Variants in SORL1 observed in about 807,000 individuals in gnomAD.
SORL1 encodes sortilin related receptor 1.
Under a neutral mutation model 273.7 loss-of-function variants are expected in SORL1, and 127 were observed. That is an observed-to-expected ratio of 0.46 (90% CI 0.40 to 0.54). The LOEUF is 0.54. Ranked by LOEUF, SORL1 falls within the 20% of genes least tolerant of loss-of-function variation. The pLI is 0.00. For missense variants in SORL1, 2,494 were observed against 2,846.1 expected, an observed-to-expected ratio of 0.88 and a Z score of 2.81; for synonymous variants, 1,031 against 1,067.4, an observed-to-expected ratio of 0.97 and a Z score of 0.66.
At position 121,488,370 on chromosome 11, in the gene SORL1, G is replaced by C. The variant is rs137937073; in HGVS notation, c.690+177G>C. Among the ~76,000 whole-genome samples the C allele has an allele frequency of 3.3e-4, 50 of 152,152 alleles. No homozygotes were observed. The East Asian group carries it at 9.5e-3, about 29-fold the overall frequency. ...GGCTCAAGAAAAATATCTCCTCCTGGCACTCTCAGTTGGCAGCCCAGCCAG... is the reference window on the plus strand; with the variant it reads ...GGCTCAAGAAAAATATCTCCTCCTGCCACTCTCAGTTGGCAGCCCAGCCAG... On this transcript the variant is annotated intron_variant, in intron 4 of 47. Transcript: ENST00000260197.
At chr11:121,606,234 T>C (rs898269121) in intron 35 of SORL1, among the ~76,000 whole-genome samples, 1 of 152,164 alleles carries the variant, frequency 6.6e-6, no homozygotes, top group Non-Finnish European at 1.5e-5. Flanking sequence ...TGTGGCTAAG[T>C]TTTTAAGAAA....
intron 12 of SORL1, among the ~76,000 whole-genome samples, chr11:121,536,866 C>T (rs1565328066): frequency 6.6e-6 from 1 of 151,998 alleles, no homozygotes; most frequent in Non-Finnish European, 1.5e-5. Context: ...TCCTGATGAA[C>T]GGCAATCCAG....
rs1424806127 is a variant in SORL1, at chr11:121,627,523, T to A, written c.6365-32T>A. On this transcript the variant is annotated intron_variant, in intron 46 of 47. Coordinates refer to ENST00000260197, the MANE Select transcript of SORL1 (RefSeq NM_003105.6). The surrounding 1 kb of genome is among the most constrained non-coding windows in gnomAD (Gnocchi z 4.9). The stretch of plus-strand genomic sequence containing the variant: ...TCTGGTCTGTTCTCCTGCCCTCAGG[T>A]GGGCTTATTGGTGGGAACTTTGCCT... 1 of 1,590,410 alleles carries A rather than the reference T, an allele frequency of 6.3e-7. No homozygotes were observed. Among genetic ancestry groups the A allele is most frequent in the Non-Finnish European group, 8.6e-7 (1 of 1,158,778 alleles).
intron 5 of SORL1, among the ~76,000 whole-genome samples, chr11:121,492,143 C>G (rs1839408183): frequency 6.6e-6 from 1 of 152,090 alleles, no homozygotes; most frequent in South Asian, 2.1e-4. Flanking sequence ...GGTGGACCAT[C>G]TGAGGTCAGG....
intron 39 of SORL1, chr11:121,612,138 T>G (rs1440063424): frequency 6.6e-6 from 1 of 152,134 alleles, no homozygotes; most frequent in African/African-American, 2.4e-5. Flanking sequence ...AGACTCTGTC[T>G]CAAAAAAAAG....
intron 43 of SORL1, 137 bp downstream of exon 43, chr11:121,620,054 T>G: frequency 1.4e-6 from 1 of 699,888 alleles, no homozygotes; most frequent in East Asian, 2.5e-5. Flanking sequence ...TCTCTCCCAT[T>G]TCAGTCTGAC....
intron 4 of SORL1, among the ~76,000 whole-genome samples, chr11:121,489,678 T>C (rs1322490799): frequency 6.6e-6 from 1 of 152,280 alleles, no homozygotes. Flanking sequence ...TGCTGCTATC[T>C]GTGAAAGGTT....
At position 121,563,344 on chromosome 11, in the gene SORL1, AT is replaced by A. The variant is rs1252335966; in HGVS notation, c.3050-3593del. Among the ~76,000 whole-genome samples the A allele has an allele frequency of 6.6e-6, 1 of 152,168 alleles. No individual in the cohort carries two copies. Among genetic ancestry groups the A allele is most frequent in the East Asian group, 1.9e-4 (1 of 5,200 alleles). ...AATAAAAATGTTGTTCAGTTGCAAC[AT>A]TTATCAATTTGAAATATTTGGTCCT... On this transcript the variant is annotated intron_variant, in intron 21 of 47. Coordinates refer to ENST00000260197, the MANE Select transcript of SORL1 (RefSeq NM_003105.6). This position sits in a 1 kb window ranked among gnomAD's most constrained non-coding sequence, Gnocchi z 4.2.
Position 121,629,651 on chromosome 11 carries a change from G to A in SORL1, c.*88G>A. 1.6e-6 allele frequency: 1 copy of A among 628,786 alleles called. No homozygotes were observed. The highest frequency in any genetic ancestry group is 2.9e-6 in the Non-Finnish European group (1 of 348,348). The allele number at this position is 628,786 out of a possible 1,614,324, so 39.0% of individuals were successfully genotyped here. A position where few individuals can be genotyped will look rare whatever the true frequency, so the allele number is the denominator to read the frequency against. ...GTTTATTTTAAAAGATGCACTTTGA[G>A]TTGCAATATGTTATTTTTATATGGG... On this transcript the variant is annotated 3_prime_UTR_variant, in exon 48 of 48. Coordinates refer to ENST00000260197, the MANE Select transcript of SORL1 (RefSeq NM_003105.6).
At position 121,616,595 on chromosome 11, in the gene SORL1, C is replaced by T. The variant is rs371218511; in HGVS notation, c.5604+1540C>T. Among the ~76,000 whole-genome samples, 6 of 152,370 alleles carry T rather than the reference C, an allele frequency of 3.9e-5. No homozygotes were observed. In the East Asian group the frequency reaches 9.6e-4, roughly 24 times the overall value. ...CCTACTCCCATCTCATGCTTTGCAG[C>T]TCCACCTGCATTTGCTTTGGGACCC... On this transcript the variant is annotated intron_variant, in intron 41 of 47. Coordinates refer to ENST00000260197, the MANE Select transcript of SORL1 (RefSeq NM_003105.6).
chr11:121,616,607 T>G (rs1031660747), intron 41 of SORL1, among the ~76,000 whole-genome samples: 1 of 152,236 alleles, frequency 6.6e-6, no homozygotes, highest in African/African-American at 2.4e-5. Flanking sequence ...CCACCTGCAT[T>G]TGCTTTGGGA....
At chr11:121,572,861 G>A (rs1190035980) in intron 23 of SORL1, among the ~76,000 whole-genome samples, 1 of 152,148 alleles carries the variant, frequency 6.6e-6, no homozygotes, top group Non-Finnish European at 1.5e-5. Context: ...CCCACCACGA[G>A]CTCAATTACA....
intron 25 of SORL1, among the ~76,000 whole-genome samples, chr11:121,579,316 T>C (rs1021958677): frequency 2.0e-5 from 3 of 152,212 alleles, no homozygotes; most frequent in Non-Finnish European, 4.4e-5. Context: ...TGTGAGCTCA[T>C]GGTGATGTGT....
intron 23 of SORL1, among the ~76,000 whole-genome samples, chr11:121,571,380 A>G (rs368390359): frequency 3.2e-4 from 49 of 152,398 alleles, no homozygotes; most frequent in Middle Eastern, 3.4e-3. Context: ...GGCAGCGCCC[A>G]GGACAGCAAG....
At chr11:121,599,727 T>G (rs1015027903) in intron 32 of SORL1, among the ~76,000 whole-genome samples, 1 of 152,200 alleles carries the variant, frequency 6.6e-6, no homozygotes, top group African/African-American at 2.4e-5. Context: ...GATTTGCTGA[T>G]GGAGTTTGTC....
intron 6 of SORL1, among the ~76,000 whole-genome samples, chr11:121,505,696 C>T (rs1373889113): frequency 2.0e-5 from 3 of 152,032 alleles, no homozygotes; most frequent in Non-Finnish European, 4.4e-5. Context: ...TTCCTTTTGA[C>T]TTCATTGATG....
rs534233694 is a variant in SORL1 at position 121,623,529 on chromosome 11, G to A, written c.6171+1261G>A. On this transcript the variant is annotated intron_variant, in intron 45 of 47. Transcript: ENST00000260197. ...AACAGAAGAGGATGGGTTAAATAAC[G>A]TATGGGTGGTTGATGTTGTGTAATC... Among the ~76,000 whole-genome samples, 43 of 152,330 alleles carry A rather than the reference G, an allele frequency of 2.8e-4. No homozygotes were observed. The South Asian group carries it at 6.8e-3, about 24-fold the overall frequency.
chr11:121,490,362 A>C (rs953653136), intron 5 of SORL1, among the ~76,000 whole-genome samples: 2 of 152,206 alleles, frequency 1.3e-5, no homozygotes, highest in African/African-American at 2.4e-5. Context: ...CAGGGAACCC[A>C]GGGGAATCTT....
intron 5 of SORL1, among the ~76,000 whole-genome samples, chr11:121,492,391 CAATG>C (rs965976790): frequency 5.3e-4 from 81 of 152,080 alleles, no homozygotes; most frequent in African/African-American, 1.9e-3. Context: ...ATAACTGTCT[CAATG>C]AATGAATGAA....
Sources: gnomAD v4.1 joint callset for allele counts (sites outside exome capture counted in the v4.1 genomes callset) on GRCh38, gnomAD v4.1.1 for gene constraint, Gnocchi (gnomAD v3.1) non-coding constraint, MANE v1.5 for transcripts, NCBI Gene and HGNC (gene_info 2026-07-23, HGNC 2026-07-21) for gene names.